Variants in EYA1 observed in about 807,000 individuals in gnomAD.
EYA1 encodes the protein protein phosphatase EYA1.
In EYA1, 16 loss-of-function variants were observed where a neutral mutation model predicts 82.0. The observed-to-expected ratio is 0.20, with a 90% CI of 0.13 to 0.30. EYA1 has a LOEUF of 0.30. EYA1 is among the 10% of genes least tolerant of loss of function. The pLI, the probability that EYA1 is intolerant of heterozygous loss-of-function variation, is 1.00. For synonymous variants in EYA1, 261 were observed against 264.4 expected, an observed-to-expected ratio of 0.99 and a Z score of 0.12; for missense variants, 633 against 730.7, an observed-to-expected ratio of 0.87 and a Z score of 1.54.
chr8:71,397,888 C>T (rs929972545), intron 2 of EYA1, among the ~76,000 whole-genome samples: 45 of 152,146 alleles, frequency 3.0e-4, no homozygotes, highest in Non-Finnish European at 3.2e-4. Flanking sequence ...GAGTGTTTTC[C>T]AACTTGGTTC....
rs188396256 is a variant in EYA1, at chr8:71,299,336, C to G, written c.640-103G>C. The stretch of plus-strand genomic sequence containing the variant: ...GTATGTTTGGGTTTCTGAGCCTTTT[C>G]TGAATTCACACGGGGGCATACAAGT... On this transcript the variant is annotated intron_variant, in intron 8 of 17. Transcript: ENST00000340726. 249 of 1,183,900 alleles carry G rather than the reference C, an allele frequency of 2.1e-4. No individual in the cohort carries two copies. In the African/African-American group the frequency reaches 3.3e-3, roughly 16 times the overall value. 73.3% of individuals were successfully genotyped at this position (1,183,900 alleles called of 1,614,324 possible).
chr8:71,454,004 G>C (rs1713622289), intron 2 of EYA1, among the ~76,000 whole-genome samples: 1 of 152,148 alleles, frequency 6.6e-6, no homozygotes, highest in Non-Finnish European at 1.5e-5. Flanking sequence ...AGACCCATCA[G>C]TGTGCTGTAT....
chr8:71,395,827 C>T (rs531565217), intron 2 of EYA1, among the ~76,000 whole-genome samples: 7 of 152,102 alleles, frequency 4.6e-5, no homozygotes, highest in African/African-American at 1.7e-4. Flanking sequence ...GGGAGTATTC[C>T]CTCTTTTTCT....
intron 2 of EYA1, among the ~76,000 whole-genome samples, chr8:71,424,352 G>A (rs535076360): frequency 2.0e-5 from 3 of 152,198 alleles, no homozygotes; most frequent in African/African-American, 4.8e-5. Flanking sequence ...AGTGTATAAA[G>A]TATGTAAGAA....
intron 4 of EYA1, chr8:71,323,983 C>T (rs1822874011): frequency 6.6e-6 from 1 of 152,188 alleles, no homozygotes; most frequent in Admixed American, 6.5e-5. Context: ...GAAGTAATCT[C>T]TTCCTGGGAC....
At chr8:71,405,178 T>G (rs1830153309) in intron 2 of EYA1, among the ~76,000 whole-genome samples, 1 of 152,126 alleles carries the variant, frequency 6.6e-6, no homozygotes, top group South Asian at 2.1e-4. Context: ...CACCTGAAAT[T>G]CTACAATTAG....
At chr8:71,333,305 A>G (rs942623608) in intron 4 of EYA1, among the ~76,000 whole-genome samples, 2 of 152,222 alleles carry the variant, frequency 1.3e-5, no homozygotes, top group Non-Finnish European at 2.9e-5. Context: ...TGTGGTATGT[A>G]TTAAATAAAT....
chr8:71,464,164 C>T (rs1368847940), intron 2 of EYA1, among the ~76,000 whole-genome samples: 1 of 152,152 alleles, frequency 6.6e-6, no homozygotes, highest in Non-Finnish European at 1.5e-5. Context: ...GGACTGCATG[C>T]TTCCACATCT....
At chr8:71,472,239 T>C (rs1383410699) in intron 2 of EYA1, among the ~76,000 whole-genome samples, 1 of 152,188 alleles carries the variant, frequency 6.6e-6, no homozygotes, top group African/African-American at 2.4e-5. Context: ...CACTGCCTAC[T>C]TCTAGCCAAT....
At chr8:71,231,912 G>T (rs1811243652) in intron 12 of EYA1, among the ~76,000 whole-genome samples, 1 of 152,186 alleles carries the variant, frequency 6.6e-6, no homozygotes, top group Non-Finnish European at 1.5e-5. Context: ...AGCTTTCAAA[G>T]AATACAGTCA....
In EYA1 at chr8:71,386,988, A is replaced by T. The variant is rs190138648; in HGVS notation, c.34-30477T>A. Among the ~76,000 whole-genome samples the T allele has an allele frequency of 4.6e-5, 7 of 152,330 alleles. 1 individual carries two copies. Among genetic ancestry groups the T allele is most frequent in the African/African-American group, 1.7e-4 (7 of 41,576 alleles). On this transcript the variant is annotated intron_variant, in intron 2 of 18. Transcript: ENST00000643681. ...AGCAGATGGGGGATTAGCCATGTCAATAAACATTTTCTGGTTCCTCATGTG... is the reference window on the plus strand; with the variant it reads ...AGCAGATGGGGGATTAGCCATGTCATTAAACATTTTCTGGTTCCTCATGTG...
chr8:71,317,788 C>G, intron 6 of EYA1, 99 bp from the exon 7 acceptor site: 1 of 1,134,100 alleles, frequency 8.8e-7, no homozygotes, highest in Non-Finnish European at 1.3e-6. Context: ...ACAAATGCTT[C>G]CCCAATCTTA....
intron 2 of EYA1, among the ~76,000 whole-genome samples, chr8:71,454,848 C>A (rs1251947102): frequency 6.6e-6 from 1 of 152,136 alleles, no homozygotes; most frequent in Non-Finnish European, 1.5e-5. Context: ...TGTGACATCA[C>A]AATTAAAAGA....
chr8:71,202,366 T>A (rs1215303117), intron 17 of EYA1, among the ~76,000 whole-genome samples: 1 of 152,172 alleles, frequency 6.6e-6, no homozygotes, highest in Non-Finnish European at 1.5e-5. Flanking sequence ...TGTGTGTGGG[T>A]TGATGCCGCC....
chr8:71,480,176 T>A lies in EYA1; in HGVS notation c.33+55568A>T, dbSNP rs117346190. Among the ~76,000 whole-genome samples the A allele has an allele frequency of 5.1e-4, 77 of 152,364 alleles. No individual in the cohort carries two copies. The East Asian group carries it at 0.013, about 26-fold the overall frequency. On this transcript the variant is annotated intron_variant, in intron 2 of 18. Coordinates refer to the EYA1 transcript ENST00000643681. ...GTTACAGTTTCCTTGATTTTATTTG[T>A]AATTCTTGTCTAATCTTGTACATTC...
At chr8:71,384,946 G>A (rs188150327) in intron 2 of EYA1, among the ~76,000 whole-genome samples, 1 of 152,084 alleles carries the variant, frequency 6.6e-6, no homozygotes, top group Non-Finnish European at 1.5e-5. Flanking sequence ...TTATATGCAG[G>A]TACCAAACCA....
chr8:71,217,854 T>G (rs1019365405), intron 12 of EYA1, among the ~76,000 whole-genome samples: 1 of 152,232 alleles, frequency 6.6e-6, no homozygotes, highest in Non-Finnish European at 1.5e-5. Context: ...AAAGCTCTAT[T>G]GGGCCCAGTT....
At chr8:71,507,559 TTA>T (rs1812284596) in intron 2 of EYA1, among the ~76,000 whole-genome samples, 1 of 152,198 alleles carries the variant, frequency 6.6e-6, no homozygotes, top group Non-Finnish European at 1.5e-5. Context: ...ACATGCAAGA[TTA>T]TATATTTCTG....
intron 3 of EYA1, among the ~76,000 whole-genome samples, chr8:71,353,248 C>T (rs1352808799): frequency 6.6e-6 from 1 of 152,180 alleles, no homozygotes; most frequent in Non-Finnish European, 1.5e-5. Context: ...GTCTGGGTGA[C>T]TATATCCACA....
Sources: gnomAD v4.1 joint callset for allele counts (sites outside exome capture counted in the v4.1 genomes callset) on GRCh38, gnomAD v4.1.1 for gene constraint, MANE v1.5 for transcripts, NCBI Gene and HGNC (gene_info 2026-07-23, HGNC 2026-07-21) for gene names.